Variants in SLF1 observed in about 807,000 individuals in gnomAD.
The protein encoded by SLF1 is SMC5-SMC6 complex localization factor protein 1.
Under a neutral mutation model 123.0 loss-of-function variants are expected in SLF1, and 105 were observed. That is an observed-to-expected ratio of 0.85 (90% confidence interval 0.73 to 1.00). The LOEUF (loss-of-function observed/expected upper bound fraction) is 1.00, where lower values mean the gene tolerates loss of function less well. Ranked by LOEUF, SLF1 falls within the 50% of genes least tolerant of loss-of-function variation. The probability of loss-of-function intolerance (pLI) is 0.00; values close to 1 mark genes in which losing one functional copy is unlikely to be tolerated. For missense variants in SLF1, 1,239 were observed against 1,223.0 expected, an observed-to-expected ratio of 1.01 and a Z score of -0.20; for synonymous variants, 434 against 406.6, an observed-to-expected ratio of 1.07 and a Z score of -0.81.
intron 12 of SLF1, among the ~76,000 whole-genome samples, chr5:94,669,037 G>A (rs777017222): frequency 6.6e-6 from 1 of 152,104 alleles, no homozygotes; most frequent in Non-Finnish European, 1.5e-5. Context: ...TAGATTTTGG[G>A]CAGCTTAAAA....
At chr5:94,652,935 A>C (rs1198987953) in intron 7 of SLF1, among the ~76,000 whole-genome samples, 1 of 152,128 alleles carries the variant, frequency 6.6e-6, no homozygotes, top group African/African-American at 2.4e-5. Context: ...TCAGCTCGCC[A>C]CAACCTCCGC....
chr5:94,623,858 C>A (rs1792006532), intron 1 of SLF1, among the ~76,000 whole-genome samples: 1 of 152,094 alleles, frequency 6.6e-6, no homozygotes, highest in African/African-American at 2.4e-5. Flanking sequence ...ATAAATAAAT[C>A]AATCAGTATA....
At chr5:94,686,382 A>G (rs1173464499) in intron 15 of SLF1, among the ~76,000 whole-genome samples, 191 bp from the exon 16 acceptor site, 8 of 152,218 alleles carry the variant, frequency 5.3e-5, no homozygotes, top group African/African-American at 1.4e-4. Flanking sequence ...AACATGTGCC[A>G]TTAAATATTT....
At position 94,663,831 on chromosome 5, in the gene SLF1, G is replaced by A. The variant is rs1448701373; in HGVS notation, c.1291G>A (p.Glu431Lys). 3.2e-6 allele frequency: 5 copies of A among 1,550,752 alleles called. No homozygotes were observed. Among genetic ancestry groups the A allele is most frequent in the Non-Finnish European group, 4.4e-6 (5 of 1,146,658 alleles). The change falls in exon 11 of 21, where the codon GAG becomes AAG. Residue 431 changes from glutamate to lysine, a missense_variant. By Grantham distance (56) the Glu-to-Lys change is moderately conservative. Coordinates refer to ENST00000265140, the MANE Select transcript of SLF1 (RefSeq NM_032290.4). ...IEGHFFKEAIEELSTLQAHYI... is the reference protein window; with the variant it reads ...IEGHFFKEAIKELSTLQAHYI... The stretch of plus-strand genomic sequence containing the variant: ...AGGACATTTTTTTAAAGAAGCAATT[G>A]AGGAACTTTCCACTTTGCAGGCACA...
chr5:94,648,903 T>C (rs561543451), intron 5 of SLF1, among the ~76,000 whole-genome samples: 2 of 152,358 alleles, frequency 1.3e-5, no homozygotes, highest in South Asian at 2.1e-4. Context: ...AAAATAATTA[T>C]TGGAAGTTGA....
intron 14 of SLF1, among the ~76,000 whole-genome samples, chr5:94,678,014 G>A (rs1422139913): frequency 1.3e-5 from 2 of 151,698 alleles, no homozygotes; most frequent in African/African-American, 2.4e-5. Context: ...TCCGCCTCCC[G>A]GGTTCACGCC....
At chr5:94,675,760 G>A (rs1372684702) in intron 14 of SLF1, among the ~76,000 whole-genome samples, 1 of 151,928 alleles carries the variant, frequency 6.6e-6, no homozygotes, top group African/African-American at 2.4e-5. Context: ...GTTATTCCTC[G>A]AAATCACTGC....
At chr5:94,676,079 T>C (rs762610445) in intron 14 of SLF1, among the ~76,000 whole-genome samples, 26 of 152,112 alleles carry the variant, frequency 1.7e-4, no homozygotes, top group Non-Finnish European at 3.2e-4. Flanking sequence ...GAGAATACTT[T>C]CAGAAATCAA....
At chr5:94,687,622 A>G (rs544476271) in intron 16 of SLF1, among the ~76,000 whole-genome samples, 81 of 152,192 alleles carry the variant, frequency 5.3e-4, no homozygotes, top group Admixed American at 1.6e-3. Flanking sequence ...TAATCCCAGG[A>G]GGTCGAGGCA....
chr5:94,665,714 C>T, intron 11 of SLF1, 147 bp from the exon 12 acceptor site: 1 of 693,386 alleles, frequency 1.4e-6, no homozygotes, highest in South Asian at 2.1e-5. Context: ...GATCGTGCCA[C>T]TGCACTCCAG....
At chr5:94,638,553 A>G (rs896601553) in intron 4 of SLF1, among the ~76,000 whole-genome samples, 4 of 152,172 alleles carry the variant, frequency 2.6e-5, no homozygotes, top group Non-Finnish European at 5.9e-5. Flanking sequence ...GAGGTGACAC[A>G]TGAGTGGACT....
At chr5:94,667,647 G>T (rs1749946796) in intron 12 of SLF1, among the ~76,000 whole-genome samples, 1 of 152,124 alleles carries the variant, frequency 6.6e-6, no homozygotes, top group Non-Finnish European at 1.5e-5. Context: ...ATATGTCTCA[G>T]TTCTCATCTT....
chr5:94,683,110 A>G (rs976001909), intron 15 of SLF1, among the ~76,000 whole-genome samples: 2 of 152,020 alleles, frequency 1.3e-5, no homozygotes, highest in African/African-American at 2.4e-5. Flanking sequence ...TTTTTTTTTC[A>G]TATCTTTGGA....
In SLF1 at chr5:94,695,374, G is replaced by T; in HGVS notation, c.*62G>T. ...TTCAGTTTGCATTGGTACTTACTGTGGACTTCATAGCTTACTGACAGATAG... is the reference window on the plus strand; with the variant it reads ...TTCAGTTTGCATTGGTACTTACTGTTGACTTCATAGCTTACTGACAGATAG... On this transcript the variant is annotated 3_prime_UTR_variant, in exon 21 of 21. Transcript: ENST00000265140. The T allele has an allele frequency of 6.7e-7, 1 of 1,496,852 alleles. No individual in the cohort carries two copies. Among genetic ancestry groups the T allele is most frequent in the Non-Finnish European group, 8.9e-7 (1 of 1,118,646 alleles). 92.7% of individuals were successfully genotyped at this position (1,496,852 alleles called of 1,614,324 possible).
At chr5:94,664,903 G>T (rs1001969378) in intron 11 of SLF1, among the ~76,000 whole-genome samples, 2 of 152,094 alleles carry the variant, frequency 1.3e-5, no homozygotes, top group Middle Eastern at 3.2e-3. Flanking sequence ...TATAGGAAAA[G>T]TCAGCCCTCC....
At chr5:94,680,661 T>A (rs1300881745) in intron 15 of SLF1, among the ~76,000 whole-genome samples, 2 of 152,240 alleles carry the variant, frequency 1.3e-5, no homozygotes, top group South Asian at 2.1e-4. Context: ...CCTTAAGGAA[T>A]TATAATTTAT....
At chr5:94,634,027 T>G (rs1290172485) in intron 4 of SLF1, among the ~76,000 whole-genome samples, 1 of 152,192 alleles carries the variant, frequency 6.6e-6, no homozygotes, top group African/African-American at 2.4e-5. Context: ...GCTTTTTTAT[T>G]AAGTTCAGAG....
intron 1 of SLF1, among the ~76,000 whole-genome samples, chr5:94,626,516 A>G (rs1213643268): frequency 1.3e-5 from 2 of 152,294 alleles, no homozygotes; most frequent in East Asian, 3.9e-4. Flanking sequence ...GAGGGTTAAA[A>G]TACATTGTAC....
intron 18 of SLF1, among the ~76,000 whole-genome samples, chr5:94,690,705 A>G (rs1000240404): frequency 1.3e-5 from 2 of 152,122 alleles, no homozygotes; most frequent in Non-Finnish European, 2.9e-5. Context: ...TCAGTATTTC[A>G]TTTTGTTTCC....
Sources: gnomAD v4.1 joint callset for allele counts (sites outside exome capture counted in the v4.1 genomes callset) on GRCh38, gnomAD v4.1.1 for gene constraint, MANE v1.5 for transcripts, NCBI Gene and HGNC (gene_info 2026-07-23, HGNC 2026-07-21) for gene names.